Variants in INSC observed in about 807,000 individuals in gnomAD.
The protein encoded by INSC is protein inscuteable homolog.
In INSC, 67 loss-of-function variants were observed where a neutral mutation model predicts 58.6. That is an observed-to-expected ratio of 1.14 (90% CI 0.94 to 1.40). The LOEUF is 1.40. Ranked by LOEUF, INSC falls within the 40% of genes most tolerant of loss-of-function variation. INSC has a pLI of 0.00. For missense variants in INSC, 714 were observed against 692.0 expected (o/e 1.03, Z -0.36); for synonymous variants, 262 against 276.1 (o/e 0.95, Z 0.51).
intron 7 of INSC, among the ~76,000 whole-genome samples, chr11:15,219,726 A>C (rs1851364935): frequency 6.6e-6 from 1 of 152,170 alleles, no homozygotes; most frequent in Admixed American, 6.5e-5. Context: ...AGGAGACGGG[A>C]TTGATTGAGA....
At chr11:15,115,541 T>A (rs1847671522) in intron 1 of INSC, among the ~76,000 whole-genome samples, 1 of 152,132 alleles carries the variant, frequency 6.6e-6, no homozygotes, top group Admixed American at 6.5e-5. Flanking sequence ...GGACAGAAGC[T>A]CAGAGCCCTC....
intron 7 of INSC, among the ~76,000 whole-genome samples, chr11:15,206,179 G>A (rs565970295): frequency 2.0e-5 from 3 of 152,310 alleles, no homozygotes; most frequent in East Asian, 3.9e-4. Context: ...ATGGCTGAAG[G>A]GGGAGAGGCC....
chr11:15,113,145 CTG>C (rs1491315586), upstream of INSC, among the ~76,000 whole-genome samples: 558 of 133,598 alleles, frequency 4.2e-3, 4 homozygotes, highest in African/African-American at 0.015. Flanking sequence ...TTCTTTCTTT[CTG>C]TCTCTCTCTC....
At chr11:15,113,143 T>TTCTTTCTTTCTTTCTC, upstream of INSC, among the ~76,000 whole-genome samples, 61 of 98,676 alleles carry the variant, frequency 6.2e-4, 3 homozygotes, top group African/African-American at 1.9e-3. Flanking sequence ...CTTTCTTTCT[T>TTCTTTCTTTCTTTCTC]TCTGTCTCTC....
In INSC at chr11:15,245,836, C is replaced by T; in HGVS notation, c.1471-76C>T. 5 of 1,531,762 alleles carry T rather than the reference C, an allele frequency of 3.3e-6. No individual in the cohort carries two copies. The South Asian group carries it at 6.2e-5, about 19-fold the overall frequency. The allele number at this position is 1,531,762 out of a possible 1,614,324, so 94.9% of individuals were successfully genotyped here. On this transcript the variant is annotated intron_variant, in intron 12 of 12. Coordinates refer to ENST00000379556, the MANE Select transcript of INSC (RefSeq NM_001042536.3). Reference sequence around the variant, plus strand: ...GCACCACTTTCTGAAATGCACATTTCAGGGTAGGTGAAGGAAATACATGTA... The same window carrying T: ...GCACCACTTTCTGAAATGCACATTTTAGGGTAGGTGAAGGAAATACATGTA...
At chr11:15,114,886 CA>C (rs1309963053), upstream of INSC, 14 of 967,454 alleles carry the variant, frequency 1.4e-5, no homozygotes, top group African/African-American at 5.4e-5. Flanking sequence ...GGGCGGGGGC[CA>C]GGGGCGGCCT....
Position 15,182,306 on chromosome 11 carries a change from TA to T in INSC, c.579+3869del, listed in dbSNP as rs138315527. On this transcript the variant is annotated intron_variant, in intron 5 of 12. Transcript: ENST00000379556. ...CAGATACATGCTCATCTGTAGCCAA[TA>T]AAAAAAAAAGGATGTGACTGAGACT... Among the ~76,000 whole-genome samples, 343 of 146,386 alleles carry T rather than the reference TA, an allele frequency of 2.3e-3. 3 individuals are homozygous for T. Among genetic ancestry groups the T allele is most frequent in the East Asian group, 6.7e-3 (34 of 5,058 alleles).
At chr11:15,116,861 C>A (rs1378097305) in intron 1 of INSC, among the ~76,000 whole-genome samples, 1 of 58,634 alleles carries the variant, frequency 1.7e-5, no homozygotes, top group Non-Finnish European at 3.2e-5. Context: ...CTCTCTCTCT[C>A]TCTCTCTCTC....
chr11:15,229,873 C>T (rs117181598), intron 9 of INSC, among the ~76,000 whole-genome samples: 5,704 of 140,562 alleles, frequency 0.041, 164 homozygotes, highest in Non-Finnish European at 0.064. Flanking sequence ...GCCTGGGCAA[C>T]GTGGCAAAAT....
At chr11:15,112,552 G>A, upstream of INSC, 2 of 1,607,082 alleles carry the variant, frequency 1.2e-6, no homozygotes, top group Non-Finnish European at 1.7e-6. Flanking sequence ...GAGTCCAGGA[G>A]GCTGTGCTGT....
At chr11:15,235,699 T>C (rs1852096734) in intron 10 of INSC, 31 bp downstream of exon 10, 1 of 1,542,192 alleles carries the variant, frequency 6.5e-7, no homozygotes, top group African/African-American at 1.4e-5. Context: ...ACATGTTATG[T>C]GGATTATCTG....
rs542438663 is a variant in INSC at position 15,244,789 on chromosome 11, A to G, written c.1471-1123A>G. Among the ~76,000 whole-genome samples, 50 of 150,696 alleles carry G rather than the reference A, an allele frequency of 3.3e-4. 1 individual carries two copies. The highest frequency in any genetic ancestry group is 1.2e-3 in the African/African-American group (49 of 40,920). ...CTTTTGCCATTCTAGATATTCCCCC[A>G]CTCTTTTTGCTTCCAGGGGTGGGAG... On this transcript the variant is annotated intron_variant, in intron 12 of 12. Transcript: ENST00000379556.
At chr11:15,129,371 A>G (rs777523786) in intron 1 of INSC, among the ~76,000 whole-genome samples, 27 of 152,174 alleles carry the variant, frequency 1.8e-4, no homozygotes, top group Admixed American at 5.2e-4. Context: ...AATTTTTTTC[A>G]GAAATATTTT....
At chr11:15,129,387 C>G (rs1368225111) in intron 1 of INSC, among the ~76,000 whole-genome samples, 2 of 152,140 alleles carry the variant, frequency 1.3e-5, no homozygotes, top group African/African-American at 4.8e-5. Context: ...ATTTTGGCTA[C>G]ACATTTCAGA....
chr11:15,258,738 T>C, the INSC span, among the ~76,000 whole-genome samples: 2 of 152,196 alleles, frequency 1.3e-5, no homozygotes, highest in Non-Finnish European at 2.9e-5. Flanking sequence ...AGGGACTCTC[T>C]GACCTGGGGC....
chr11:15,252,163 T>C (rs1327590638), downstream of INSC, among the ~76,000 whole-genome samples: 4 of 152,074 alleles, frequency 2.6e-5, no homozygotes, highest in Admixed American at 1.3e-4. Context: ...ATATACGAGA[T>C]GTACAGAATA....
At chr11:15,177,073 C>G (rs1248453291) in intron 3 of INSC, 38 bp from the exon 4 acceptor site, 11 of 1,537,780 alleles carry the variant, frequency 7.2e-6, no homozygotes, top group Non-Finnish European at 9.9e-6. Context: ...TCAGTTAATG[C>G]TTACTGAGTT....
In INSC at chr11:15,162,066, TGA is replaced by T. The variant is rs1377346460; in HGVS notation, c.56+12842_56+12843del. Among the ~76,000 whole-genome samples, 6 of 152,242 alleles carry T rather than the reference TGA, an allele frequency of 3.9e-5. No individual in the cohort carries two copies. In the East Asian group the frequency reaches 1.2e-3, roughly 29 times the overall value. On this transcript the variant is annotated intron_variant, in intron 2 of 12. Coordinates refer to ENST00000379556, the MANE Select transcript of INSC (RefSeq NM_001042536.3). ...TGTGTTGTTTTTATAAAGCCCTCACTGAGAGAGTCTTCCTGTTGGGTTATAGA... is the reference window on the plus strand; with the variant it reads ...TGTGTTGTTTTTATAAAGCCCTCACTGAGAGTCTTCCTGTTGGGTTATAGA...
intron 1 of INSC, among the ~76,000 whole-genome samples, chr11:15,148,192 A>C (rs1166690253): frequency 6.6e-6 from 1 of 152,212 alleles, no homozygotes; most frequent in Non-Finnish European, 1.5e-5. Flanking sequence ...ACTCTTATTC[A>C]TTAGGATGCT....
Sources: gnomAD v4.1 joint callset for allele counts (sites outside exome capture counted in the v4.1 genomes callset) on GRCh38, gnomAD v4.1.1 for gene constraint, MANE v1.5 for transcripts, NCBI Gene and HGNC (gene_info 2026-07-23, HGNC 2026-07-21) for gene names.